The following CNTN5 variants were observed in gnomAD, a reference collection of about 807,000 sequenced individuals.
The protein encoded by CNTN5 is contactin 5.
CNTN5 carries 77 observed loss-of-function variants against 129.1 expected under a neutral mutation model. The observed-to-expected ratio is 0.60, with a 90% CI of 0.50 to 0.72. The LOEUF (loss-of-function observed/expected upper bound fraction) is 0.72. Among genes scored for constraint, CNTN5 ranks in the 30% least tolerant of loss-of-function variants. The pLI is 0.00. For missense variants in CNTN5, 1,478 were observed against 1,328.8 expected, an observed-to-expected ratio of 1.11 and a Z score of -1.75; for synonymous variants, 509 against 465.6, an observed-to-expected ratio of 1.09 and a Z score of -1.20.
intron 7 of CNTN5, among the ~76,000 whole-genome samples, chr11:99,954,715 A>C (rs1176132305): frequency 2.6e-5 from 4 of 152,220 alleles, no homozygotes; most frequent in African/African-American, 9.6e-5. Context: ...GAATATTAAA[A>C]GATGTTTAGC....
chr11:100,075,145 C>T (rs968337084), intron 13 of CNTN5, among the ~76,000 whole-genome samples: 5 of 152,056 alleles, frequency 3.3e-5, no homozygotes, highest in East Asian at 1.9e-4. Flanking sequence ...TCTGCATTAG[C>T]GGTTCACTTG....
intron 2 of CNTN5, among the ~76,000 whole-genome samples, chr11:99,546,961 A>G (rs1948314291): frequency 1.3e-5 from 2 of 151,974 alleles, no homozygotes; most frequent in African/African-American, 4.8e-5. Context: ...CTTTCATGAA[A>G]GATACACAAC....
At chr11:99,183,242 GA>G (rs1482529234) in intron 1 of CNTN5, among the ~76,000 whole-genome samples, 1 of 152,116 alleles carries the variant, frequency 6.6e-6, no homozygotes, top group Non-Finnish European at 1.5e-5. Flanking sequence ...AGGCAGTGAT[GA>G]AATTTCCTCT....
At chr11:99,043,177 A>C (rs1054503709) in intron 1 of CNTN5, among the ~76,000 whole-genome samples, 3 of 152,238 alleles carry the variant, frequency 2.0e-5, no homozygotes, top group Admixed American at 6.5e-5. Context: ...GGTTTAAAAC[A>C]AAAGTGCCAT....
At chr11:99,485,911 A>G (rs12803168) in intron 2 of CNTN5, among the ~76,000 whole-genome samples, 39,063 of 151,882 alleles carry the variant, frequency 0.26, 5,330 homozygotes, top group Non-Finnish European at 0.31. Flanking sequence ...AAGCTATAAA[A>G]ACCTTTCTTT....
chr11:99,412,319 T>G (rs373960873), intron 2 of CNTN5, among the ~76,000 whole-genome samples: 1 of 152,184 alleles, frequency 6.6e-6, no homozygotes, highest in Non-Finnish European at 1.5e-5. Context: ...ATTTTTTGAA[T>G]ATGTTCTTTA....
intron 2 of CNTN5, among the ~76,000 whole-genome samples, chr11:99,472,995 T>C (rs888242696): frequency 9.2e-5 from 14 of 152,312 alleles, no homozygotes; most frequent in African/African-American, 2.9e-4. Flanking sequence ...CAAATATGTC[T>C]GACACCTACT....
At position 99,957,132 on chromosome 11, in the gene CNTN5, T is replaced by C. The variant is rs932360963; in HGVS notation, c.877+123T>C. Reference sequence around the variant, plus strand: ...ATAAAATAAAAAGGCATTTGCCATATTTAGACACTACATTTTTAGGCCAGG... The same window carrying C: ...ATAAAATAAAAAGGCATTTGCCATACTTAGACACTACATTTTTAGGCCAGG... On this transcript the variant is annotated intron_variant, in intron 8 of 24. Coordinates refer to ENST00000524871, the MANE Select transcript of CNTN5 (RefSeq NM_014361.4). 11 of 815,878 alleles carry C rather than the reference T, an allele frequency of 1.3e-5. No individual in the cohort carries two copies. In the East Asian group the frequency reaches 1.4e-4, roughly 10 times the overall value. The allele number at this position is 815,878 out of a possible 1,614,324, so 50.5% of individuals were successfully genotyped here.
At chr11:100,197,741 G>A (rs1353703781) in intron 15 of CNTN5, among the ~76,000 whole-genome samples, 1 of 151,966 alleles carries the variant, frequency 6.6e-6, no homozygotes, top group Non-Finnish European at 1.5e-5. Flanking sequence ...ATAAAGAAGT[G>A]TTACACTGAA....
chr11:100,114,077 G>A (rs1202923129), intron 13 of CNTN5, among the ~76,000 whole-genome samples: 1 of 152,066 alleles, frequency 6.6e-6, no homozygotes, highest in African/African-American at 2.4e-5. Flanking sequence ...AGTGGTTGGA[G>A]CATAGGTAAA....
At chr11:99,878,034 G>A (rs1410438926) in intron 6 of CNTN5, among the ~76,000 whole-genome samples, 2 of 152,086 alleles carry the variant, frequency 1.3e-5, no homozygotes, top group Non-Finnish European at 2.9e-5. Flanking sequence ...CACCCCACAA[G>A]TTTCACACCA....
intron 1 of CNTN5, among the ~76,000 whole-genome samples, chr11:99,252,296 C>T (rs548480421): frequency 1.4e-4 from 21 of 151,952 alleles, no homozygotes; most frequent in African/African-American, 5.1e-4. Context: ...GAGTTCTGCT[C>T]CTCAACTGTC....
chr11:100,062,075 A>G (rs1943505890), intron 10 of CNTN5, among the ~76,000 whole-genome samples: 1 of 152,198 alleles, frequency 6.6e-6, no homozygotes, highest in East Asian at 1.9e-4. Context: ...TCTCATCTTT[A>G]CTTCTAAAGT....
intron 3 of CNTN5, among the ~76,000 whole-genome samples, chr11:99,738,632 T>C (rs111843243): frequency 6.6e-6 from 1 of 151,038 alleles, no homozygotes; most frequent in South Asian, 2.1e-4. Flanking sequence ...TGTGTGTGTG[T>C]GTGTGTGTGT....
At chr11:99,906,455 A>G (rs899769487) in intron 6 of CNTN5, among the ~76,000 whole-genome samples, 13 of 152,080 alleles carry the variant, frequency 8.5e-5, no homozygotes, top group Admixed American at 5.9e-4. Context: ...ATTGATTTGC[A>G]TATGTTGAAC....
chr11:99,506,933 A>T (rs1946644937), intron 2 of CNTN5, among the ~76,000 whole-genome samples: 1 of 152,204 alleles, frequency 6.6e-6, no homozygotes, highest in African/African-American at 2.4e-5. Flanking sequence ...TATTTAAAAA[A>T]ATATAAAAAG....
intron 2 of CNTN5, among the ~76,000 whole-genome samples, chr11:99,498,190 A>G (rs1946298155): frequency 6.6e-6 from 1 of 152,150 alleles, no homozygotes; most frequent in African/African-American, 2.4e-5. Flanking sequence ...ATTTCTTTCA[A>G]AATAGTGATC....
At chr11:100,194,809 G>A (rs1171766858) in intron 15 of CNTN5, among the ~76,000 whole-genome samples, 1 of 151,428 alleles carries the variant, frequency 6.6e-6, no homozygotes, top group African/African-American at 2.4e-5. Context: ...ATTAGTGGAA[G>A]AGTAAAGATG....
chr11:99,971,987 C>A (rs181528779), intron 8 of CNTN5, among the ~76,000 whole-genome samples: 1 of 148,930 alleles, frequency 6.7e-6, no homozygotes, highest in Admixed American at 6.7e-5. Context: ...CGGTGGCTCA[C>A]GCCTGTAATC....
Sources: allele counts gnomAD v4.1 joint callset (sites outside exome capture counted in the v4.1 genomes callset), GRCh38; gene constraint gnomAD v4.1.1; transcripts MANE v1.5; gene names NCBI Gene and HGNC (gene_info 2026-07-23, HGNC 2026-07-21).